The following TCF12 variants were observed in gnomAD, a reference collection of about 807,000 sequenced individuals.
The protein encoded by TCF12 is transcription factor 12.
In TCF12, 45 loss-of-function variants were observed where a neutral mutation model predicts 86.0. That is an observed-to-expected ratio of 0.52 (90% CI 0.41 to 0.67). TCF12 has a LOEUF of 0.67. Among genes scored for constraint, TCF12 ranks in the 30% least tolerant of loss-of-function variants. The probability of loss-of-function intolerance (pLI) is 0.00; values close to 1 mark genes in which losing one functional copy is unlikely to be tolerated. For synonymous variants in TCF12, 330 were observed against 299.6 expected (o/e 1.10, Z -1.05); for missense variants, 881 against 859.9 (o/e 1.02, Z -0.31).
intron 3 of TCF12, among the ~76,000 whole-genome samples, chr15:56,951,997 A>G (rs1428088108): frequency 2.0e-5 from 3 of 152,018 alleles, no homozygotes; most frequent in Non-Finnish European, 4.4e-5. Context: ...TCTGTGATCC[A>G]TTTTGAGTTA....
intron 18 of TCF12, among the ~76,000 whole-genome samples, chr15:57,263,771 T>A (rs567249775): frequency 1.3e-5 from 2 of 152,336 alleles, no homozygotes; most frequent in South Asian, 4.1e-4. Context: ...GTATACCATG[T>A]TACTGAACTG....
chr15:57,004,973 T>C (rs1241396464), intron 3 of TCF12, among the ~76,000 whole-genome samples: 3 of 152,228 alleles, frequency 2.0e-5, no homozygotes, highest in Non-Finnish European at 4.4e-5. Context: ...AGGACTGTTT[T>C]TTCTTCCATT....
intron 7 of TCF12, among the ~76,000 whole-genome samples, chr15:57,197,100 C>G (rs776919312): frequency 4.0e-5 from 6 of 149,742 alleles, no homozygotes; most frequent in Non-Finnish European, 5.9e-5. Flanking sequence ...AAGTGCCCCT[C>G]TGCAAATGAA....
intron 3 of TCF12, among the ~76,000 whole-genome samples, chr15:56,972,331 T>C (rs1016650806): frequency 2.0e-5 from 3 of 152,234 alleles, no homozygotes; most frequent in Non-Finnish European, 4.4e-5. Flanking sequence ...AATAAAATAA[T>C]ATGTATTATT....
In TCF12 at chr15:56,948,590, A is replaced by G. The variant is rs567953351; in HGVS notation, c.148+27492A>G. On this transcript the variant is annotated intron_variant, in intron 3 of 20. Coordinates refer to ENST00000333725, the MANE Select transcript of TCF12 (RefSeq NM_207037.2). ...GAATACCAGTGAAGTAACAAATATCAGTAAAGTTTCGAGTGAGTTGAAGAA... is the reference window on the plus strand; with the variant it reads ...GAATACCAGTGAAGTAACAAATATCGGTAAAGTTTCGAGTGAGTTGAAGAA... Among the ~76,000 whole-genome samples the G allele has an allele frequency of 3.9e-5, 6 of 152,226 alleles. No individual in the cohort carries two copies. In the South Asian group the frequency reaches 1.2e-3, roughly 32 times the overall value.
At chr15:56,943,336 T>TA (rs1383649961) in intron 3 of TCF12, among the ~76,000 whole-genome samples, 43 of 151,966 alleles carry the variant, frequency 2.8e-4, no homozygotes, top group Admixed American at 1.1e-3. Flanking sequence ...TGACTTAAGC[T>TA]AAAAAAAAGA....
rs1345962250 is a variant in TCF12, at chr15:57,027,662, T to C, written c.149-36088T>C. ...CTTTTTTAAAGTGATCGTACCACTT[T>C]ACAGTCCCACATTGATATGGTTTGG... On this transcript the variant is annotated intron_variant, in intron 3 of 20. Transcript: ENST00000333725. Among the ~76,000 whole-genome samples the C allele has an allele frequency of 5.3e-5, 8 of 152,172 alleles. No homozygotes were observed. The East Asian group carries it at 5.8e-4, about 11-fold the overall frequency.
At chr15:57,107,499 G>A (rs1223372678) in intron 5 of TCF12, among the ~76,000 whole-genome samples, 6 of 152,134 alleles carry the variant, frequency 3.9e-5, no homozygotes, top group African/African-American at 1.4e-4. Flanking sequence ...GTAGATATAT[G>A]TCATTATATG....
intron 6 of TCF12, among the ~76,000 whole-genome samples, chr15:57,180,398 C>T (rs1043608361): frequency 6.6e-6 from 1 of 152,094 alleles, no homozygotes; most frequent in Non-Finnish European, 1.5e-5. Context: ...AATAATTCTC[C>T]TTTTAGAACA....
chr15:57,031,380 T>TGG (rs11385466), intron 3 of TCF12, among the ~76,000 whole-genome samples: 1 of 151,890 alleles, frequency 6.6e-6, no homozygotes, highest in Non-Finnish European at 1.5e-5. Context: ...GCTTGAGGTT[T>TGG]GGGGGGTCAG....
At chr15:57,052,559 C>G (rs2067707800) in intron 3 of TCF12, among the ~76,000 whole-genome samples, 1 of 151,016 alleles carries the variant, frequency 6.6e-6, no homozygotes. Flanking sequence ...TTCACTTGAA[C>G]CTGGGAGGCA....
At chr15:57,203,620 T>C (rs1327812669) in intron 8 of TCF12, among the ~76,000 whole-genome samples, 6 of 152,218 alleles carry the variant, frequency 3.9e-5, no homozygotes, top group African/African-American at 1.2e-4. Context: ...TTGTTTGCAG[T>C]CCCGTACGTA....
chr15:57,248,293 C>T (rs2059952572), intron 13 of TCF12, among the ~76,000 whole-genome samples: 1 of 152,116 alleles, frequency 6.6e-6, no homozygotes, highest in South Asian at 2.1e-4. Flanking sequence ...CTCCTGGTTC[C>T]TATTAGGAAA....
chr15:57,247,087 CATT>C, intron 13 of TCF12: 1 of 570,708 alleles, frequency 1.8e-6, no homozygotes, highest in South Asian at 1.5e-5. Context: ...TTTCCGAACT[CATT>C]ATAGTTCCCA....
intron 12 of TCF12, among the ~76,000 whole-genome samples, chr15:57,241,113 A>G (rs1292032014): frequency 7.3e-6 from 1 of 136,188 alleles, no homozygotes; most frequent in Non-Finnish European, 1.5e-5. Flanking sequence ...TTTTTTTTTC[A>G]TACACTGTCT....
intron 5 of TCF12, among the ~76,000 whole-genome samples, chr15:57,151,790 A>G (rs2053779266): frequency 1.3e-5 from 2 of 152,048 alleles, no homozygotes; most frequent in African/African-American, 4.8e-5. Context: ...AAAGCCTGAT[A>G]AACTACAAAC....
chr15:57,033,089 G>C (rs1334719894), intron 3 of TCF12, among the ~76,000 whole-genome samples: 1 of 152,084 alleles, frequency 6.6e-6, no homozygotes, highest in Admixed American at 6.6e-5. Flanking sequence ...AGAGGAAAGA[G>C]TGAATAAAGA....
At chr15:57,175,672 A>G (rs1156906589) in intron 6 of TCF12, among the ~76,000 whole-genome samples, 1 of 152,228 alleles carries the variant, frequency 6.6e-6, no homozygotes, top group Non-Finnish European at 1.5e-5. Flanking sequence ...AGAACAAGAA[A>G]GTTGATACTG....
At chr15:56,974,728 G>C (rs1268759875) in intron 3 of TCF12, among the ~76,000 whole-genome samples, 5 of 152,026 alleles carry the variant, frequency 3.3e-5, no homozygotes, top group African/African-American at 1.2e-4. Context: ...GTCTGTAGTT[G>C]AAAAAGTAAT....
Sources: allele counts gnomAD v4.1 joint callset (sites outside exome capture counted in the v4.1 genomes callset), GRCh38; gene constraint gnomAD v4.1.1; transcripts MANE v1.5; gene names NCBI Gene and HGNC (gene_info 2026-07-23, HGNC 2026-07-21).